ROBO1: variants seen among roughly 807,000 people sequenced by gnomAD.
ROBO1 encodes the protein roundabout guidance receptor 1, also known as roundabout homolog 1.
In ROBO1, 149 loss-of-function variants were observed where a neutral mutation model predicts 195.9. The ratio of observed to expected loss-of-function variants is 0.76; its 90% confidence interval spans 0.67 to 0.87. The LOEUF is 0.87. ROBO1 is among the 40% of genes least tolerant of loss of function. ROBO1 has a pLI of 0.00. For synonymous variants in ROBO1, 816 were observed against 733.2 expected (o/e 1.11, Z -1.82); for missense variants, 1,933 against 2,068.3 (o/e 0.93, Z 1.27).
In ROBO1 at chr3:79,044,126, T is replaced by TAA. The variant is rs71127374; in HGVS notation, c.172+81328_172+81329dup. Among the ~76,000 whole-genome samples, 568 of 140,058 alleles carry TAA rather than the reference T, an allele frequency of 4.1e-3. 3 individuals carry two copies. The highest frequency in any genetic ancestry group is 7.4e-3 in the Middle Eastern group (2 of 272). 91.9% of individuals were successfully genotyped at this position (140,058 alleles called of 152,430 possible). On this transcript the variant is annotated intron_variant, in intron 3 of 30. Transcript: ENST00000464233. ...CTAACAGTAATGATAGTTGATGAGCTAAAAAAAAAAAAAAATCGCAAAAAA... is the reference window on the plus strand; with the variant it reads ...CTAACAGTAATGATAGTTGATGAGCTAAAAAAAAAAAAAAAAATCGCAAAAAA...
intron 4 of ROBO1, among the ~76,000 whole-genome samples, chr3:78,750,280 C>T (rs1238053574): frequency 1.3e-5 from 2 of 151,608 alleles, no homozygotes; most frequent in Admixed American, 6.6e-5. Context: ...GGTGAAACCC[C>T]GTTTCTACTA....
chr3:79,707,484 T>A (rs1200565589), intron 1 of ROBO1, among the ~76,000 whole-genome samples: 3 of 152,210 alleles, frequency 2.0e-5, no homozygotes, highest in Non-Finnish European at 4.4e-5. Flanking sequence ...TCCCTACATA[T>A]CACGTTTAAA....
At chr3:78,655,848 A>G (rs1453788548) in intron 18 of ROBO1, among the ~76,000 whole-genome samples, 1 of 152,210 alleles carries the variant, frequency 6.6e-6, no homozygotes, top group Non-Finnish European at 1.5e-5. Context: ...ACATATACTA[A>G]TATTTCGCTA....
intron 4 of ROBO1, among the ~76,000 whole-genome samples, chr3:78,857,897 C>A (rs2034551948): frequency 6.6e-6 from 1 of 152,128 alleles, no homozygotes; most frequent in South Asian, 2.1e-4. Flanking sequence ...GGATTACTTT[C>A]AGTAGAGAGA....
At chr3:79,118,704 C>T (rs2080056930) in intron 3 of ROBO1, among the ~76,000 whole-genome samples, 1 of 151,880 alleles carries the variant, frequency 6.6e-6, no homozygotes, top group East Asian at 1.9e-4. Flanking sequence ...TCCATCTCTA[C>T]TAAAAATTCA....
intron 2 of ROBO1, among the ~76,000 whole-genome samples, chr3:79,487,166 A>T (rs1034228202): frequency 0.013 from 24 of 1,900 alleles, no homozygotes; most frequent in Non-Finnish European, 0.018. Context: ...TATGTAATAT[A>T]CATAAAATGT....
At chr3:79,007,678 T>C (rs905815328) in intron 3 of ROBO1, among the ~76,000 whole-genome samples, 2 of 152,240 alleles carry the variant, frequency 1.3e-5, no homozygotes, top group African/African-American at 4.8e-5. Flanking sequence ...TATGTATTTA[T>C]GGTGTACAAC....
chr3:79,529,670 A>T (rs1010965907), intron 2 of ROBO1, among the ~76,000 whole-genome samples: 3 of 152,142 alleles, frequency 2.0e-5, no homozygotes, highest in Non-Finnish European at 2.9e-5. Flanking sequence ...GGAATAAGGG[A>T]CGATTCACAA....
chr3:78,779,241 C>A (rs966621782), intron 4 of ROBO1, among the ~76,000 whole-genome samples: 4 of 151,974 alleles, frequency 2.6e-5, no homozygotes, highest in African/African-American at 7.3e-5. Context: ...GCAACAAAAG[C>A]CAAAATTGAC....
chr3:79,232,594 C>A (rs936201767), intron 2 of ROBO1, among the ~76,000 whole-genome samples: 1 of 151,856 alleles, frequency 6.6e-6, no homozygotes, highest in Non-Finnish European at 1.5e-5. Context: ...TCTAAAGAAC[C>A]ACAGAAGATC....
chr3:78,943,780 T>G (rs1041990664), intron 3 of ROBO1, among the ~76,000 whole-genome samples: 2 of 152,200 alleles, frequency 1.3e-5, no homozygotes, highest in Non-Finnish European at 1.5e-5. Flanking sequence ...TTGAGGAGAA[T>G]GAATAGGATC....
chr3:79,629,789 A>G (rs1363718886), intron 1 of ROBO1, among the ~76,000 whole-genome samples: 1 of 152,068 alleles, frequency 6.6e-6, no homozygotes, highest in African/African-American at 2.4e-5. Flanking sequence ...AATAAGGACA[A>G]TTAGAAATGA....
Position 79,738,060 on chromosome 3 carries a change from T to C in ROBO1, c.-51+29692A>G, listed in dbSNP as rs532110863. On this transcript the variant is annotated intron_variant, in intron 1 of 30. Transcript: ENST00000464233. ...CAAATAAGCCAGAGGGTACAGTTCA[T>C]CCTGGGGAATGTGTAAAAGTTTCAC... Among the ~76,000 whole-genome samples, 10 of 152,222 alleles carry C rather than the reference T, an allele frequency of 6.6e-5. No homozygotes were observed. In the East Asian group the frequency reaches 1.9e-3, roughly 30 times the overall value.
intron 10 of ROBO1, among the ~76,000 whole-genome samples, chr3:78,679,578 T>C (rs1477952341): frequency 1.3e-5 from 2 of 152,118 alleles, no homozygotes; most frequent in African/African-American, 2.4e-5. Context: ...CCATTCACAA[T>C]TGCTTCAAAG....
At chr3:79,729,205 C>A (rs7613917) in intron 1 of ROBO1, among the ~76,000 whole-genome samples, 44,742 of 151,834 alleles carry the variant, frequency 0.29, 6,652 homozygotes, top group East Asian at 0.33. Context: ...TAGCCTTTTG[C>A]TTTTTCTTTA....
intron 8 of ROBO1, among the ~76,000 whole-genome samples, chr3:78,700,674 G>A (rs990371124): frequency 1.3e-5 from 2 of 151,928 alleles, no homozygotes; most frequent in Non-Finnish European, 2.9e-5. Context: ...GCAAAAGAAA[G>A]AAAATGAAGA....
At chr3:78,668,696 C>A in intron 11 of ROBO1, 131 bp from the exon 12 acceptor site, 2 of 656,242 alleles carry the variant, frequency 3.0e-6, no homozygotes, top group South Asian at 2.6e-5. Context: ...AGAAACTTCC[C>A]CTTAGTTGAA....
chr3:79,251,156 T>C (rs979627248), intron 2 of ROBO1, among the ~76,000 whole-genome samples: 2 of 152,212 alleles, frequency 1.3e-5, no homozygotes, highest in African/African-American at 2.4e-5. Flanking sequence ...CAGAATTATA[T>C]GTATATAATT....
At chr3:79,061,642 C>A (rs1325112984) in intron 3 of ROBO1, among the ~76,000 whole-genome samples, 1 of 152,010 alleles carries the variant, frequency 6.6e-6, no homozygotes, top group Non-Finnish European at 1.5e-5. Flanking sequence ...GGTACTGGTA[C>A]CAAAACAGAT....
Sources: gnomAD v4.1 joint callset for allele counts (sites outside exome capture counted in the v4.1 genomes callset) on GRCh38, gnomAD v4.1.1 for gene constraint, MANE v1.5 for transcripts, NCBI Gene and HGNC (gene_info 2026-07-23, HGNC 2026-07-21) for gene names.